PSMD14: variants seen among roughly 807,000 people sequenced by gnomAD.
PSMD14 encodes ubiquitin C-terminal hydrolase PSMD14.
Under a neutral mutation model 41.2 loss-of-function variants are expected in PSMD14, and 7 were observed. The observed-to-expected ratio is 0.17, with a 90% CI of 0.10 to 0.32. The LOEUF is 0.32. Among genes scored for constraint, PSMD14 ranks in the 10% least tolerant of loss-of-function variants. PSMD14 has a pLI of 1.00. For synonymous variants in PSMD14, 114 were observed against 122.3 expected (o/e 0.93, Z 0.45); for missense variants, 139 against 375.6 (o/e 0.37, Z 5.21).
At chr2:161,324,221 A>G (rs2105233204) in intron 3 of PSMD14, among the ~76,000 whole-genome samples, 1 of 152,380 alleles carries the variant, frequency 6.6e-6, no homozygotes, top group Middle Eastern at 3.4e-3. Flanking sequence ...TTCCAAGACG[A>G]ACAAGAATAT....
intron 7 of PSMD14, among the ~76,000 whole-genome samples, chr2:161,375,117 G>C (rs1455408595): frequency 1.6e-4 from 25 of 151,932 alleles, no homozygotes; most frequent in Non-Finnish European, 2.9e-5. Flanking sequence ...CTAACTGCAG[G>C]TCAGCTTATC....
intron 3 of PSMD14, among the ~76,000 whole-genome samples, chr2:161,349,569 G>A (rs1559044398): frequency 6.6e-6 from 1 of 152,166 alleles, no homozygotes; most frequent in Non-Finnish European, 1.5e-5. Flanking sequence ...TATTTAAGAT[G>A]TTCGATCAGG....
chr2:161,362,511 G>A (rs914539693), intron 3 of PSMD14, among the ~76,000 whole-genome samples: 6 of 152,090 alleles, frequency 3.9e-5, no homozygotes, highest in African/African-American at 1.4e-4. Flanking sequence ...TGCTCAAGTG[G>A]ATCTTTTATT....
intron 7 of PSMD14, 80 bp from the exon 8 acceptor site, chr2:161,385,384 C>G (rs1170707218): frequency 4.6e-6 from 3 of 651,486 alleles, no homozygotes; most frequent in Non-Finnish European, 7.9e-6. Flanking sequence ...AGATGCACGT[C>G]GATCATGCCT....
intron 3 of PSMD14, among the ~76,000 whole-genome samples, chr2:161,348,940 C>G (rs1683081377): frequency 6.6e-6 from 1 of 152,120 alleles, no homozygotes; most frequent in South Asian, 2.1e-4. Context: ...TGTTCCTACT[C>G]CAGGTAGTTG....
chr2:161,363,280 CAA>C (rs1452338903), intron 3 of PSMD14, among the ~76,000 whole-genome samples: 1 of 152,166 alleles, frequency 6.6e-6, no homozygotes, highest in Non-Finnish European at 1.5e-5. Flanking sequence ...TCCCTGGCAC[CAA>C]AGAGGTTGGG....
intron 3 of PSMD14, among the ~76,000 whole-genome samples, chr2:161,348,228 T>A (rs1438857361): frequency 6.6e-6 from 1 of 152,214 alleles, no homozygotes; most frequent in African/African-American, 2.4e-5. Context: ...CATAACAGCA[T>A]TGCTTATAAC....
intron 3 of PSMD14, chr2:161,319,101 T>C: frequency 2.7e-6 from 1 of 377,050 alleles, no homozygotes; most frequent in Non-Finnish European, 4.7e-6. Context: ...TGTTATTTGC[T>C]TTGTTTAAAA....
In PSMD14 at chr2:161,367,983, C is replaced by A; in HGVS notation, c.240+80C>A. The stretch of plus-strand genomic sequence containing the variant: ...TTTTCCTATGCAAACTAACTCTCAT[C>A]ATATTACATTTTCTCTTTCCAGTAG... On this transcript the variant is annotated intron_variant, in intron 5 of 11. Coordinates refer to ENST00000409682, the MANE Select transcript of PSMD14 (RefSeq NM_005805.6). 3 of 1,423,186 alleles carry A rather than the reference C, an allele frequency of 2.1e-6. No homozygotes were observed. In the South Asian group the frequency reaches 4.4e-5, roughly 21 times the overall value. The allele number at this position is 1,423,186 out of a possible 1,614,324, so 88.2% of individuals were successfully genotyped here. A position where few individuals can be genotyped will look rare whatever the true frequency, so the allele number is the denominator to read the frequency against.
intron 3 of PSMD14, among the ~76,000 whole-genome samples, chr2:161,361,276 T>C (rs2105252925): frequency 6.6e-6 from 1 of 152,318 alleles, no homozygotes; most frequent in Admixed American, 6.5e-5. Flanking sequence ...TCTATGGTGA[T>C]AACTTTGAAA....
chr2:161,367,492 T>C lies in PSMD14; in HGVS notation c.63T>C (p.Asp21=). Residue 21 remains aspartate, a synonymous_variant, in exon 4 of 12, where the codon GAT becomes GAC. Transcript: ENST00000409682. The part of the protein sequence containing the change: ...MPGLGQGPPT[D]APAVDTAEQV... ...TTTGTTTCTAGGGGCCACCTACAGA[T>C]GCTCCTGCAGTGGACACAGCAGAAC... The C allele has an allele frequency of 6.3e-7, 1 of 1,597,244 alleles. No homozygotes were observed. Among genetic ancestry groups the C allele is most frequent in the Admixed American group, 1.7e-5 (1 of 57,992 alleles).
At chr2:161,392,615 C>A (rs779474087) in intron 9 of PSMD14, among the ~76,000 whole-genome samples, 46 of 152,082 alleles carry the variant, frequency 3.0e-4, no homozygotes, top group Admixed American at 1.7e-3. Context: ...CTCATAAACT[C>A]ATCTGAAGGG....
intron 10 of PSMD14, among the ~76,000 whole-genome samples, chr2:161,404,318 C>G (rs962229328): frequency 3.9e-5 from 6 of 152,050 alleles, no homozygotes; most frequent in Non-Finnish European, 5.9e-5. Context: ...GGTAGATGCT[C>G]AATAAGTATT....
At chr2:161,309,856 C>T (rs1402972352) in intron 1 of PSMD14, among the ~76,000 whole-genome samples, 1 of 151,646 alleles carries the variant, frequency 6.6e-6, no homozygotes, top group Non-Finnish European at 1.5e-5. Flanking sequence ...GTAAATAATA[C>T]ATTGCCATTT....
chr2:161,312,677 A>G (rs1043103883), intron 1 of PSMD14, among the ~76,000 whole-genome samples: 1 of 152,254 alleles, frequency 6.6e-6, no homozygotes, highest in Non-Finnish European at 1.5e-5. Context: ...AGTTAATTAT[A>G]TCATGAATGA....
chr2:161,400,294 C>T (rs1393976979), intron 10 of PSMD14, among the ~76,000 whole-genome samples: 2 of 152,052 alleles, frequency 1.3e-5, no homozygotes, highest in Non-Finnish European at 1.5e-5. Flanking sequence ...ATTGTGATTG[C>T]GATAGCTTCA....
intron 5 of PSMD14, among the ~76,000 whole-genome samples, chr2:161,369,605 C>T (rs756176152): frequency 7.2e-5 from 11 of 152,120 alleles, no homozygotes; most frequent in Admixed American, 3.3e-4. Context: ...AGTACTCTAT[C>T]GCCAGAGAGA....
At chr2:161,364,229 G>A (rs758096790) in intron 3 of PSMD14, among the ~76,000 whole-genome samples, 18 of 152,206 alleles carry the variant, frequency 1.2e-4, no homozygotes, top group African/African-American at 2.9e-4. Flanking sequence ...ACGTCCAGCC[G>A]TTTGTGTGTC....
chr2:161,352,622 T>A (rs866106906), intron 3 of PSMD14, among the ~76,000 whole-genome samples: 16 of 152,280 alleles, frequency 1.1e-4, no homozygotes, highest in Middle Eastern at 3.4e-3. Context: ...TGCCATCCAG[T>A]TTCCCAAGTC....
Sources: allele counts gnomAD v4.1 joint callset (sites outside exome capture counted in the v4.1 genomes callset), GRCh38; gene constraint gnomAD v4.1.1; transcripts MANE v1.5; gene names NCBI Gene and HGNC (gene_info 2026-07-23, HGNC 2026-07-21).